MB21D2: variants seen among roughly 807,000 people sequenced by gnomAD.
MB21D2 encodes the protein nucleotidyltransferase MB21D2.
In MB21D2, 9 loss-of-function variants were observed where a neutral mutation model predicts 33.3. The ratio of observed to expected loss-of-function variants is 0.27; its 90% CI spans 0.16 to 0.47. MB21D2 has a LOEUF of 0.47. Ranked by LOEUF, MB21D2 falls within the 20% of genes least tolerant of loss-of-function variation. MB21D2 has a pLI of 0.99. For synonymous variants in MB21D2, 241 were observed against 236.3 expected (o/e 1.02, Z -0.18); for missense variants, 540 against 624.6 (o/e 0.86, Z 1.44).
intron 1 of MB21D2, among the ~76,000 whole-genome samples, chr3:192,879,212 T>C (rs1358698421): frequency 2.0e-5 from 3 of 152,094 alleles, no homozygotes; most frequent in African/African-American, 7.2e-5. Flanking sequence ...AGCTCAAAAA[T>C]CTCTTTCTCT....
intron 1 of MB21D2, among the ~76,000 whole-genome samples, chr3:192,814,077 A>G (rs1711853972): frequency 1.3e-5 from 2 of 152,334 alleles, no homozygotes; most frequent in South Asian, 4.1e-4. Flanking sequence ...ATGTTATTTC[A>G]AATACTAATT....
intron 1 of MB21D2, among the ~76,000 whole-genome samples, chr3:192,865,474 A>C (rs1300145315): frequency 6.6e-6 from 1 of 152,224 alleles, no homozygotes; most frequent in East Asian, 1.9e-4. Flanking sequence ...ACATGCATTA[A>C]CATTCCACTG....
intron 1 of MB21D2, among the ~76,000 whole-genome samples, chr3:192,864,597 C>T (rs1713127567): frequency 6.6e-6 from 1 of 152,154 alleles, no homozygotes; most frequent in African/African-American, 2.4e-5. Flanking sequence ...ACCTCGGCCT[C>T]CTGGGTTCAA....
At chr3:192,890,565 G>A (rs1375207397) in intron 1 of MB21D2, among the ~76,000 whole-genome samples, 1 of 147,376 alleles carries the variant, frequency 6.8e-6, no homozygotes. Context: ...GATGCAATCT[G>A]TTCTGTAAGC....
intron 1 of MB21D2, among the ~76,000 whole-genome samples, chr3:192,823,805 T>C (rs1465919628): frequency 1.3e-5 from 2 of 152,116 alleles, no homozygotes; most frequent in Non-Finnish European, 2.9e-5. Context: ...TTTATTCAAA[T>C]AAAGTTTTTT....
At chr3:192,854,696 TTG>T (rs1712879792) in intron 1 of MB21D2, among the ~76,000 whole-genome samples, 1 of 152,086 alleles carries the variant, frequency 6.6e-6, no homozygotes, top group Non-Finnish European at 1.5e-5. Context: ...GCTGACTCTC[TTG>T]TTAGAAGCTA....
intron 1 of MB21D2, among the ~76,000 whole-genome samples, chr3:192,820,448 C>T (rs79959319): frequency 0.028 from 4,270 of 152,174 alleles, 82 homozygotes; most frequent in Non-Finnish European, 0.046. Context: ...GGAAAGGACT[C>T]GTACAGAAGT....
chr3:192,874,379 G>C lies in MB21D2; in HGVS notation c.211+43251C>G, dbSNP rs1332440662. 3.3e-5 allele frequency among the ~76,000 whole-genome samples: 5 copies of C among 152,128 alleles called. No individual in the cohort carries two copies. The East Asian group carries it at 9.6e-4, about 29-fold the overall frequency. Reference sequence around the variant, plus strand: ...TCTCCAAAGCTCTATCACTAACAATGACTAGGATACATTACAAAACCTAAG... The same window carrying C: ...TCTCCAAAGCTCTATCACTAACAATCACTAGGATACATTACAAAACCTAAG... On this transcript the variant is annotated intron_variant, in intron 1 of 1. Coordinates refer to ENST00000392452, the MANE Select transcript of MB21D2 (RefSeq NM_178496.4).
chr3:192,824,011 C>T (rs1712115592), intron 1 of MB21D2, among the ~76,000 whole-genome samples: 1 of 152,118 alleles, frequency 6.6e-6, no homozygotes, highest in Non-Finnish European at 1.5e-5. Context: ...GTACAAAAGA[C>T]AATGTCTAGT....
chr3:192,884,520 C>A lies in MB21D2; in HGVS notation c.211+33110G>T, dbSNP rs575375976. Among the ~76,000 whole-genome samples, 3 of 128,200 alleles carry A rather than the reference C, an allele frequency of 2.3e-5. No individual in the cohort carries two copies. In the South Asian group the frequency reaches 8.8e-4, roughly 37 times the overall value. The allele number at this position is 128,200 out of a possible 152,430, so 84.1% of individuals were successfully genotyped here. On this transcript the variant is annotated intron_variant, in intron 1 of 1. Coordinates refer to ENST00000392452, the MANE Select transcript of MB21D2 (RefSeq NM_178496.4). ...TAGCTGGGACTACAGGCGCCCGCCACCACGCCCGGCTAATTTTTTGTATTT... is the reference window on the plus strand; with the variant it reads ...TAGCTGGGACTACAGGCGCCCGCCAACACGCCCGGCTAATTTTTTGTATTT...
intron 1 of MB21D2, among the ~76,000 whole-genome samples, chr3:192,900,243 T>C (rs1445695285): frequency 2.2e-5 from 3 of 136,134 alleles, no homozygotes; most frequent in Non-Finnish European, 3.0e-5. Flanking sequence ...AAGATCACTG[T>C]CACTGCACTC....
intron 1 of MB21D2, among the ~76,000 whole-genome samples, chr3:192,874,207 TA>T (rs1560246463): frequency 6.6e-6 from 1 of 152,108 alleles, no homozygotes; most frequent in African/African-American, 2.4e-5. Context: ...TTATACTGTG[TA>T]AAAACTTACT....
chr3:192,886,047 G>A (rs1007230667), intron 1 of MB21D2, among the ~76,000 whole-genome samples: 11 of 151,958 alleles, frequency 7.2e-5, no homozygotes, highest in African/African-American at 2.4e-4. Flanking sequence ...TGCAACCTCC[G>A]CCTCCCGGGT....
chr3:192,910,842 G>T (rs1363795455), intron 1 of MB21D2, among the ~76,000 whole-genome samples: 5 of 152,166 alleles, frequency 3.3e-5, no homozygotes, highest in Non-Finnish European at 5.9e-5. Flanking sequence ...CCCAACATAG[G>T]TTAGGAGACT....
chr3:192,819,780 A>G (rs967169889), intron 1 of MB21D2, among the ~76,000 whole-genome samples: 2 of 152,178 alleles, frequency 1.3e-5, no homozygotes, highest in African/African-American at 4.8e-5. Context: ...CTTTTCGCCA[A>G]CTGTACTCAC....
intron 1 of MB21D2, among the ~76,000 whole-genome samples, chr3:192,863,504 CTTTTT>C (rs1030114597): frequency 1.3e-5 from 2 of 152,038 alleles, no homozygotes; most frequent in African/African-American, 4.8e-5. Flanking sequence ...AGTTTTTTTT[CTTTTT>C]AACTCATTCA....
intron 1 of MB21D2, among the ~76,000 whole-genome samples, chr3:192,833,523 T>A (rs1219064779): frequency 6.6e-6 from 1 of 152,230 alleles, no homozygotes. Context: ...AACTTCTAAA[T>A]ATTCCACAAA....
intron 1 of MB21D2, among the ~76,000 whole-genome samples, chr3:192,814,062 A>G (rs532665411): frequency 6.6e-6 from 1 of 152,246 alleles, no homozygotes; most frequent in Non-Finnish European, 1.5e-5. Context: ...CGTTTAAATA[A>G]GTAAATGTTA....
chr3:192,899,992 T>C (rs552846147), intron 1 of MB21D2, among the ~76,000 whole-genome samples: 4 of 152,108 alleles, frequency 2.6e-5, no homozygotes, highest in East Asian at 3.9e-4. Flanking sequence ...CACTTTAAGA[T>C]AGATTACAGA....
Sources: allele counts gnomAD v4.1 joint callset (sites outside exome capture counted in the v4.1 genomes callset), GRCh38; gene constraint gnomAD v4.1.1; transcripts MANE v1.5; gene names NCBI Gene and HGNC (gene_info 2026-07-23, HGNC 2026-07-21).